Variants in ATP2C1 observed in about 807,000 individuals in gnomAD.
ATP2C1 encodes calcium-transporting ATPase type 2C member 1.
In ATP2C1, 31 loss-of-function variants were observed where a neutral mutation model predicts 120.5. That is an observed-to-expected ratio of 0.26 (90% CI 0.19 to 0.35). The LOEUF is 0.35. Ranked by LOEUF, ATP2C1 falls within the 10% of genes least tolerant of loss-of-function variation. The probability of loss-of-function intolerance (pLI) is 1.00; values close to 1 mark genes in which losing one functional copy is unlikely to be tolerated. For missense variants in ATP2C1, 731 were observed against 1,107.5 expected (o/e 0.66, Z 4.83); for synonymous variants, 351 against 358.7 (o/e 0.98, Z 0.24).
upstream of ATP2C1, among the ~76,000 whole-genome samples, chr3:130,891,775 G>A (rs2069176534): frequency 6.6e-6 from 1 of 152,004 alleles, no homozygotes; most frequent in East Asian, 1.9e-4. Context: ...GTATATGTGG[G>A]TGTATGAATA....
intron 2 of ATP2C1, among the ~76,000 whole-genome samples, chr3:130,908,735 A>ATTGTT (rs1417739159): frequency 6.6e-6 from 1 of 151,994 alleles, no homozygotes; most frequent in East Asian, 1.9e-4. Context: ...TGTCAGTTTG[A>ATTGTT]TTGTTTTATA....
intron 17 of ATP2C1, among the ~76,000 whole-genome samples, chr3:130,974,901 AAAT>A (rs1243199036): frequency 6.6e-6 from 1 of 152,202 alleles, no homozygotes; most frequent in Non-Finnish European, 1.5e-5. Flanking sequence ...CCATGACAAA[AAAT>A]AAAAGAAAAA....
At chr3:130,943,208 A>T (rs1209698580) in intron 8 of ATP2C1, among the ~76,000 whole-genome samples, 1 of 152,096 alleles carries the variant, frequency 6.6e-6, no homozygotes, top group Non-Finnish European at 1.5e-5. Context: ...TATTGAAAAC[A>T]TTGTGAATTT....
chr3:130,999,309 A>T (rs926612169), intron 26 of ATP2C1, among the ~76,000 whole-genome samples: 1 of 152,118 alleles, frequency 6.6e-6, no homozygotes, highest in African/African-American at 2.4e-5. Flanking sequence ...CCTTTTCTTG[A>T]TAAATAAAAT....
At chr3:130,999,455 T>C (rs1461740610) in intron 26 of ATP2C1, 63 bp from the exon 27 acceptor site, 7 of 1,539,238 alleles carry the variant, frequency 4.5e-6, no homozygotes, top group Non-Finnish European at 6.3e-6. Flanking sequence ...TAGAAGTGAA[T>C]ATAATAAAGA....
At chr3:130,930,962 A>G (rs1913251) in intron 3 of ATP2C1, among the ~76,000 whole-genome samples, 16,483 of 152,120 alleles carry the variant, frequency 0.11, 1,029 homozygotes, top group East Asian at 0.18. Context: ...GGTAAAGTAA[A>G]AACTTAAGTA....
At chr3:131,010,504 A>G (rs1026273058) in intron 26 of ATP2C1, among the ~76,000 whole-genome samples, 3 of 151,984 alleles carry the variant, frequency 2.0e-5, no homozygotes, top group African/African-American at 4.8e-5. Context: ...ACCTTTTTCT[A>G]TCTTTAAACA....
Position 130,967,139 on chromosome 3 carries a change from C to T in ATP2C1, c.1123-6C>T. On this transcript the variant is annotated splice_polypyrimidine_tract_variant and splice_region_variant and intron_variant, in intron 14 of 27. Coordinates refer to ENST00000510168, the MANE Select transcript of ATP2C1 (RefSeq NM_001378687.1). Reference sequence around the variant, plus strand: ...TGTATTATTGATCCCACTTTGTGATCTTTAGGTTACTGGAGTTGGCTATAA... The same window carrying T: ...TGTATTATTGATCCCACTTTGTGATTTTTAGGTTACTGGAGTTGGCTATAA... 1.2e-6 allele frequency: 2 copies of T among 1,609,366 alleles called. No individual in the cohort carries two copies. The highest frequency in any genetic ancestry group is 2.2e-5 in the South Asian group (2 of 90,970).
At chr3:130,850,919 C>T (rs1056802730) in exon 1 of ATP2C1, 48 of 1,389,938 alleles carry the variant, frequency 3.5e-5, no homozygotes, top group African/African-American at 6.0e-5. Flanking sequence ...ACCAAAGAGC[C>T]GAAGAACAGG....
chr3:130,959,845 A>T (rs2060743821), intron 12 of ATP2C1, among the ~76,000 whole-genome samples: 1 of 152,104 alleles, frequency 6.6e-6, no homozygotes, highest in Non-Finnish European at 1.5e-5. Context: ...TAAAAATTCA[A>T]TTGTAGGGGT....
chr3:130,858,830 T>C (rs2067925245), intron 1 of ATP2C1, among the ~76,000 whole-genome samples: 1 of 152,182 alleles, frequency 6.6e-6, no homozygotes, highest in South Asian at 2.1e-4. Flanking sequence ...GATTAAGGTA[T>C]TGGACTTAAG....
At chr3:130,994,895 G>A (rs558934924) in intron 22 of ATP2C1, among the ~76,000 whole-genome samples, 3 of 152,138 alleles carry the variant, frequency 2.0e-5, no homozygotes, top group Non-Finnish European at 4.4e-5. Context: ...AGATTTTCCT[G>A]GATTCAGCTA....
chr3:131,014,834 A>G (rs1254192298), intron 26 of ATP2C1, among the ~76,000 whole-genome samples: 1 of 152,208 alleles, frequency 6.6e-6, no homozygotes, highest in Non-Finnish European at 1.5e-5. Flanking sequence ...GGAATCCACA[A>G]GTTTATTATG....
chr3:130,919,850 G>GTGTTT (rs2058871727), intron 2 of ATP2C1, among the ~76,000 whole-genome samples: 1 of 152,252 alleles, frequency 6.6e-6, no homozygotes, highest in African/African-American at 2.4e-5. Context: ...AACAGTAGTT[G>GTGTTT]TGTTTTGTTT....
chr3:130,851,481 C>CAA (rs2067674294), intron 1 of ATP2C1, among the ~76,000 whole-genome samples: 1 of 152,128 alleles, frequency 6.6e-6, no homozygotes, highest in Non-Finnish European at 1.5e-5. Flanking sequence ...TTTAGCCAAT[C>CAA]AAAAGCTATG....
intron 1 of ATP2C1, among the ~76,000 whole-genome samples, chr3:130,886,761 TTC>T (rs2068983143): frequency 6.6e-6 from 1 of 152,240 alleles, no homozygotes; most frequent in Non-Finnish European, 1.5e-5. Flanking sequence ...TATCTTGAAT[TTC>T]TTTGAGTTTT....
chr3:131,014,669 A>C (rs548654961), intron 26 of ATP2C1, among the ~76,000 whole-genome samples: 5 of 152,342 alleles, frequency 3.3e-5, no homozygotes, highest in East Asian at 1.9e-4. Context: ...AGGTGTCTTT[A>C]ACAAACACTT....
intron 26 of ATP2C1, among the ~76,000 whole-genome samples, chr3:131,012,392 G>T (rs1054831705): frequency 1.3e-5 from 2 of 151,600 alleles, no homozygotes; most frequent in African/African-American, 4.8e-5. Context: ...TGAGTAGCTG[G>T]GACTACAGGT....
intron 27 of ATP2C1, among the ~76,000 whole-genome samples, chr3:131,000,026 G>A (rs2062812519): frequency 1.3e-5 from 2 of 152,058 alleles, no homozygotes; most frequent in African/African-American, 4.8e-5. Flanking sequence ...TTTAAAGTTA[G>A]AATTTTCAGT....
Sources: allele counts gnomAD v4.1 joint callset (sites outside exome capture counted in the v4.1 genomes callset), GRCh38; gene constraint gnomAD v4.1.1; transcripts MANE v1.5; gene names NCBI Gene and HGNC (gene_info 2026-07-23, HGNC 2026-07-21).